Variants in AK9 observed in about 807,000 individuals in gnomAD.
AK9 encodes the protein adenylate kinase 9.
A neutral mutation model predicts 239.6 loss-of-function variants in AK9; 191 were observed. That is an observed-to-expected ratio of 0.80 (90% CI 0.71 to 0.90). AK9 has a LOEUF of 0.90. Ranked by LOEUF, AK9 falls within the 40% of genes least tolerant of loss-of-function variation. The pLI is 0.00. For missense variants in AK9, 1,995 were observed against 2,214.7 expected (o/e 0.90, Z 1.99); for synonymous variants, 689 against 721.0 (o/e 0.96, Z 0.71).
At chr6:109,539,665 G>A (rs914985514) in intron 27 of AK9, among the ~76,000 whole-genome samples, 5 of 152,182 alleles carry the variant, frequency 3.3e-5, no homozygotes, top group Non-Finnish European at 5.9e-5. Context: ...TTCCTTTGGA[G>A]GAGGAGAGGC....
Position 109,683,960 on chromosome 6 carries a change from A to T in AK9, c.-12+7187T>A, listed in dbSNP as rs557436821. 1.4e-4 allele frequency among the ~76,000 whole-genome samples: 22 copies of T among 152,356 alleles called. 1 individual carries two copies. The South Asian group carries it at 2.9e-3, about 20-fold the overall frequency. Reference sequence around the variant, plus strand: ...AGCCAAGACAATCCTAAGCAATAAGAACAAAGCTGGAGGCATCACGCTACC... The same window carrying T: ...AGCCAAGACAATCCTAAGCAATAAGTACAAAGCTGGAGGCATCACGCTACC... On this transcript the variant is annotated intron_variant, in intron 1 of 40. Transcript: ENST00000424296.
chr6:109,686,792 T>C (rs533814702), intron 1 of AK9, among the ~76,000 whole-genome samples: 6 of 152,324 alleles, frequency 3.9e-5, no homozygotes, highest in African/African-American at 1.4e-4. Flanking sequence ...ATCAAGTGAC[T>C]ATGCAACTGG....
At chr6:109,515,834 TCA>T (rs1779222840) in intron 31 of AK9, 21 bp downstream of exon 31, 1 of 1,514,056 alleles carries the variant, frequency 6.6e-7, no homozygotes, top group Non-Finnish European at 9.0e-7. Context: ...AACATGGCTT[TCA>T]GGTGCGTTTG....
chr6:109,536,087 A>G (rs957088412), intron 27 of AK9, among the ~76,000 whole-genome samples: 35 of 152,238 alleles, frequency 2.3e-4, no homozygotes, highest in African/African-American at 7.9e-4. Flanking sequence ...TTGGCAATGC[A>G]GGCTCTTTTT....
At chr6:109,534,207 T>G (rs1305556424) in intron 27 of AK9, among the ~76,000 whole-genome samples, 1 of 144,118 alleles carries the variant, frequency 6.9e-6, no homozygotes, top group Non-Finnish European at 1.5e-5. Flanking sequence ...GAAACAAGAG[T>G]GAAACTCCTT....
At chr6:109,534,973 T>C (rs2128137954) in intron 27 of AK9, among the ~76,000 whole-genome samples, 1 of 152,308 alleles carries the variant, frequency 6.6e-6, no homozygotes, top group Admixed American at 6.5e-5. Flanking sequence ...CCATGGTGTA[T>C]ATGTGCAACA....
chr6:109,632,942 G>A lies in AK9; in HGVS notation c.1235C>T (p.Ala412Val), dbSNP rs143140337. ...AGTCACCTTTCCTTTGTAATTTTCTGCAAGCATATTGCAAAGTGTTGTTTT... is the reference window on the plus strand; with the variant it reads ...AGTCACCTTTCCTTTGTAATTTTCTACAAGCATATTGCAAAGTGTTGTTTT... Reference protein sequence around the residue: ...SGKTTLCNMLAENYKGKVVDY... With the variant: ...SGKTTLCNMLVENYKGKVVDY... Residue 412 changes from alanine (A) to valine (V), a missense_variant, in exon 12 of 41, where the codon GCA (alanine) becomes GTA (valine). By Grantham distance (64) the Ala-to-Val change is moderately conservative. Around this residue, in one of 5 missense-constraint regions of AK9, gnomAD observed 1,290 missense variants for 1,392.7 expected, o/e 0.93. Transcript: ENST00000424296. 3,630 of 1,613,282 alleles carry A rather than the reference G, an allele frequency of 2.3e-3. 6 individuals are homozygous for A. The highest frequency in any genetic ancestry group is 2.7e-3 in the Non-Finnish European group (3,235 of 1,179,738).
Position 109,630,505 on chromosome 6 carries a change from T to C in AK9, c.1254+2418A>G, listed in dbSNP as rs570809801. On this transcript the variant is annotated intron_variant, in intron 12 of 40. Coordinates refer to ENST00000424296, the MANE Select transcript of AK9 (RefSeq NM_001145128.3). ...AAGATTTATTGTAAAGCTAAAATAA[T>C]TAAGTCAATGTAGTATTGGCAAAAT... 1.3e-4 allele frequency among the ~76,000 whole-genome samples: 20 copies of C among 152,242 alleles called. No homozygotes were observed. In the East Asian group the frequency reaches 3.7e-3, roughly 28 times the overall value.
chr6:109,641,634 A>G lies in AK9; in HGVS notation c.835-18T>C, dbSNP rs761598836. ...ATAACAATCTAGATTTAAAGAACAG[A>G]TATTTAACTACATTGGCATCTGAAT... is the stretch of plus-strand genomic sequence containing the variant. On this transcript the variant is annotated intron_variant, in intron 9 of 40. Coordinates refer to ENST00000424296, the MANE Select transcript of AK9 (RefSeq NM_001145128.3). The G allele has an allele frequency of 6.3e-7, 1 of 1,583,320 alleles. No homozygotes were observed.
At chr6:109,504,032 G>A (rs1164987409) in intron 35 of AK9, among the ~76,000 whole-genome samples, 9 of 152,300 alleles carry the variant, frequency 5.9e-5, no homozygotes, top group African/African-American at 9.6e-5. Context: ...GTCCACAGGT[G>A]TATCTCCTGA....
rs1998813 is a variant in AK9 at position 109,579,562 on chromosome 6, C to A, written c.2179G>T (p.Val727Leu). 0.053 allele frequency: 81,875 copies of A among 1,550,902 alleles called. 2,434 individuals are homozygous for A. The highest frequency in any genetic ancestry group is 0.099 in the Admixed American group (5,010 of 50,822). Residue 727 changes from valine (V) to leucine (L), a missense_variant, in exon 20 of 41, where the codon GTG becomes TTG. Val to Leu is a conservative substitution (Grantham distance 32, BLOSUM62 1). Transcript: ENST00000424296. ...ENRRLLELMKVKAKEAEETDN... is the reference protein window; with the variant it reads ...ENRRLLELMKLKAKEAEETDN... ...AATCTGTGCTTGCCTTTTGCCTTCA[C>A]TTTCATAAGTTCCAGTAGCCTTCGA...
intron 1 of AK9, chr6:109,690,517 A>T (rs914895499): frequency 1.3e-5 from 2 of 151,916 alleles, no homozygotes; most frequent in African/African-American, 4.8e-5. Context: ...GCCTCCAGGG[A>T]CTCCGCGGGG....
intron 29 of AK9, chr6:109,527,530 C>T (rs1031153683): frequency 1.3e-5 from 2 of 152,150 alleles, no homozygotes; most frequent in African/African-American, 2.4e-5. Flanking sequence ...CACACTAACT[C>T]ATCCCTGAGA....
intron 5 of AK9, among the ~76,000 whole-genome samples, chr6:109,670,982 C>A (rs952920581): frequency 3.2e-4 from 48 of 151,906 alleles, no homozygotes; most frequent in African/African-American, 1.1e-3. Context: ...TATAAAAACC[C>A]ATATATCCAT....
intron 32 of AK9, among the ~76,000 whole-genome samples, chr6:109,512,290 T>C (rs568185387): frequency 6.6e-6 from 1 of 152,324 alleles, no homozygotes; most frequent in East Asian, 1.9e-4. Context: ...TTACCCTATG[T>C]GGTCTAAAAT....
intron 32 of AK9, among the ~76,000 whole-genome samples, chr6:109,511,252 A>G (rs1778715144): frequency 1.3e-5 from 2 of 151,642 alleles, no homozygotes; most frequent in African/African-American, 4.9e-5. Flanking sequence ...CCATTTATGG[A>G]CTCCATGATG....
chr6:109,531,041 CAAAA>C (rs1781172130), intron 28 of AK9, among the ~76,000 whole-genome samples: 1 of 144,306 alleles, frequency 6.9e-6, no homozygotes, highest in Non-Finnish European at 1.5e-5. Flanking sequence ...GACTCCGTCT[CAAAA>C]GAAAAGAAAA....
At chr6:109,684,873 C>CAA (rs60500211) in intron 1 of AK9, among the ~76,000 whole-genome samples, 4 of 21,870 alleles carry the variant, frequency 1.8e-4, no homozygotes, top group East Asian at 1.6e-3. Flanking sequence ...GACTCCGTCT[C>CAA]AAAAAAAAAA....
At chr6:109,602,368 A>C (rs543559760) in intron 17 of AK9, among the ~76,000 whole-genome samples, 39 of 152,310 alleles carry the variant, frequency 2.6e-4, no homozygotes, top group African/African-American at 9.4e-4. Flanking sequence ...TCTGGGTTGA[A>C]AATTCTTTTC....
Sources: allele counts gnomAD v4.1 joint callset (sites outside exome capture counted in the v4.1 genomes callset), GRCh38; gene constraint gnomAD v4.1.1; regional missense constraint gnomAD v4.1.1; transcripts MANE v1.5; gene names NCBI Gene and HGNC (gene_info 2026-07-23, HGNC 2026-07-21).